TECTA: variants seen among roughly 807,000 people sequenced by gnomAD.
TECTA encodes alpha-tectorin.
In TECTA, 128 loss-of-function variants were observed where a neutral mutation model predicts 216.8. That is an observed-to-expected ratio of 0.59 (90% confidence interval 0.51 to 0.68). The LOEUF (loss-of-function observed/expected upper bound fraction) is 0.68. Among genes scored for constraint, TECTA ranks in the 30% least tolerant of loss-of-function variants. The pLI, the probability that TECTA is intolerant of heterozygous loss-of-function variation, is 0.00. For missense variants in TECTA, 2,551 were observed against 2,786.2 expected (o/e 0.92, Z 1.90); for synonymous variants, 1,089 against 1,117.1 (o/e 0.97, Z 0.50).
chr11:121,146,691 G>A (rs1386701825), intron 12 of TECTA, among the ~76,000 whole-genome samples: 1 of 152,128 alleles, frequency 6.6e-6, no homozygotes, highest in African/African-American at 2.4e-5. Context: ...CTGGTTCTCA[G>A]TTTCCCCTTC....
rs1294897126 is a variant in TECTA, at chr11:121,125,725, C to T, written c.1627C>T (p.Pro543Ser). Residue 543 changes from proline (P) to serine (S), a missense_variant, in exon 8 of 24, where the codon CCC (proline) becomes TCC (serine). Coordinates refer to ENST00000392793, the MANE Select transcript of TECTA (RefSeq NM_005422.4). The stretch of plus-strand genomic sequence containing the variant: ...GTGGGAGTGTGGCACTGTCGTGGAC[C>T]CCACTGCTTTTGTGCACAGCTGCGT... Reference protein sequence around the residue: ...PLWECGTVVDPTAFVHSCVYD... With the variant: ...PLWECGTVVDSTAFVHSCVYD... 4 of 1,613,260 alleles carry T rather than the reference C, an allele frequency of 2.5e-6. No individual in the cohort carries two copies. In the African/African-American group the frequency reaches 4.0e-5, roughly 16 times the overall value.
rs778518717 is a variant in TECTA at position 121,157,891 on chromosome 11, C to T, written c.4356C>T (p.Phe1452=). Residue 1452 remains phenylalanine (F), a synonymous_variant, in exon 14 of 24, where the codon TTC becomes TTT. Coordinates refer to ENST00000392793, the MANE Select transcript of TECTA (RefSeq NM_005422.4). ...ACTGCACGCGGCGCTGCCGCTGTTT[C>T]CGTCGCAACGTGATTCAGTGCGACC... ...NSDCTRRCRC[F]RRNVIQCDPR... is the part of the protein sequence containing the mutation. 1.9e-6 allele frequency: 3 copies of T among 1,614,256 alleles called. No individual in the cohort carries two copies. Among genetic ancestry groups the T allele is most frequent in the South Asian group, 1.1e-5 (1 of 91,088 alleles).
intron 4 of TECTA, 125 bp from the exon 5 acceptor site, chr11:121,112,947 C>A (rs1180649359): frequency 1.3e-5 from 15 of 1,192,772 alleles, no homozygotes; most frequent in Non-Finnish European, 1.7e-5. Context: ...AGCTGGAGGG[C>A]CTGGCTGCAG....
chr11:121,120,188 G>T (rs1346032319), intron 7 of TECTA, among the ~76,000 whole-genome samples: 4 of 151,984 alleles, frequency 2.6e-5, no homozygotes, highest in South Asian at 4.2e-4. Flanking sequence ...AAGGGACACC[G>T]TAATTTCTTT....
At chr11:121,119,043 C>T (rs1471160928) in intron 7 of TECTA, among the ~76,000 whole-genome samples, 1 of 136,132 alleles carries the variant, frequency 7.3e-6, no homozygotes, top group Non-Finnish European at 1.6e-5. Flanking sequence ...ACACACAGTT[C>T]AGAAAAACTG....
intron 11 of TECTA, among the ~76,000 whole-genome samples, chr11:121,143,213 C>T (rs554507279): frequency 6.6e-6 from 1 of 152,344 alleles, no homozygotes; most frequent in South Asian, 2.1e-4. Flanking sequence ...ATACAAGGCC[C>T]TTCATGATCC....
Position 121,101,616 on chromosome 11 carries a change from T to C in TECTA, c.-2+174T>C, listed in dbSNP as rs74869474. ...TCCAGCAAAACTGTCTAATATTTAA[T>C]ATGTGCTTGAAATTACAACATATAT... On this transcript the variant is annotated intron_variant, in intron 1 of 23. Coordinates refer to ENST00000392793, the MANE Select transcript of TECTA (RefSeq NM_005422.4). 9.8e-4 allele frequency among the ~76,000 whole-genome samples: 150 copies of C among 152,328 alleles called. 4 individuals are homozygous for C. In the East Asian group the frequency reaches 0.025, roughly 25 times the overall value.
intron 7 of TECTA, among the ~76,000 whole-genome samples, chr11:121,123,040 A>G (rs1206272589): frequency 6.6e-6 from 1 of 152,226 alleles, no homozygotes; most frequent in Non-Finnish European, 1.5e-5. Flanking sequence ...TTTGGAAGGG[A>G]TGCTCAGACC....
In TECTA at chr11:121,145,761, T is replaced by C. The variant is rs372087934; in HGVS notation, c.3750T>C (p.Asp1250=). 5.4e-4 allele frequency: 865 copies of C among 1,614,242 alleles called. 7 individuals are homozygous for C. In the South Asian group the frequency reaches 8.8e-3, roughly 16 times the overall value. The stretch of plus-strand genomic sequence containing the variant: ...GCCGCTACAACGGCAACCCTGATGA[T>C]GACCTGGAGATGCCCATGGGTCTGC... ...LCGRYNGNPD[D]DLEMPMGLLA... Residue 1250 remains aspartate, a synonymous_variant, in exon 12 of 24, where the codon GAT becomes GAC. Transcript: ENST00000392793.
chr11:121,151,967 C>T (rs1481265456), intron 12 of TECTA, among the ~76,000 whole-genome samples: 1 of 152,176 alleles, frequency 6.6e-6, no homozygotes, highest in Admixed American at 6.5e-5. Context: ...CACTTACATG[C>T]CAACCACTGT....
intron 12 of TECTA, among the ~76,000 whole-genome samples, chr11:121,146,840 C>A (rs918242670): frequency 6.6e-6 from 1 of 152,206 alleles, no homozygotes; most frequent in African/African-American, 2.4e-5. Flanking sequence ...TGAGCCAAGA[C>A]CCCATGCTAA....
At position 121,158,071 on chromosome 11, in the gene TECTA, G is replaced by A. The variant is rs1365112310; in HGVS notation, c.4536G>A (p.Val1512=). The A allele has an allele frequency of 1.2e-6, 2 of 1,613,880 alleles. No homozygotes were observed. Among genetic ancestry groups the A allele is most frequent in the African/African-American group, 1.3e-5 (1 of 75,068 alleles). ...GCTTCCCAGCCAACTGCGCCTTCGT[G>A]CTGTCCACCATCTGCCAGAAACTGC... is the stretch of plus-strand genomic sequence containing the variant. The part of the protein sequence containing the change: ...FLRFPANCAF[V]LSTICQKLPD... Residue 1512 remains valine (V), a synonymous_variant, in exon 14 of 24, where the codon GTG becomes GTA. Coordinates refer to ENST00000392793, the MANE Select transcript of TECTA (RefSeq NM_005422.4).
chr11:121,113,821 C>T lies in TECTA; in HGVS notation c.790+103C>T. 7.5e-7 allele frequency: 1 copy of T among 1,331,778 alleles called. No homozygotes were observed. Among genetic ancestry groups the T allele is most frequent in the Non-Finnish European group, 1.1e-6 (1 of 944,372 alleles). 82.5% of individuals were successfully genotyped at this position (1,331,778 alleles called of 1,614,324 possible). ...GCGGACTCATTCCTGATGCCTTACT[C>T]TTTTGACATCTCTCCGCTGGGTAAT... On this transcript the variant is annotated intron_variant, in intron 6 of 23. Transcript: ENST00000392793. This position sits in a 1 kb window ranked among gnomAD's most constrained non-coding sequence, Gnocchi z 4.2.
intron 20 of TECTA, among the ~76,000 whole-genome samples, chr11:121,182,081 T>C (rs1947235235): frequency 6.6e-6 from 1 of 152,200 alleles, no homozygotes; most frequent in Non-Finnish European, 1.5e-5. Flanking sequence ...GGGACAGGGA[T>C]GCCAGATGGG....
At chr11:121,157,037 G>A (rs1372283490) in intron 13 of TECTA, among the ~76,000 whole-genome samples, 1 of 152,202 alleles carries the variant, frequency 6.6e-6, no homozygotes, top group Non-Finnish European at 1.5e-5. Flanking sequence ...AAGGAAGGGT[G>A]AGGATTGTGA....
intron 14 of TECTA, 59 bp downstream of exon 14, chr11:121,158,283 G>C: frequency 1.3e-6 from 2 of 1,599,928 alleles, no homozygotes; most frequent in Non-Finnish European, 1.7e-6. Context: ...TTGGCTAGGG[G>C]ACTGTGTAGG....
chr11:121,109,367 C>G lies in TECTA; in HGVS notation c.355C>G (p.Pro119Ala), dbSNP rs376581881. Reference protein sequence around the residue: ...GEIYYRETMEPAILKRATKDI... With the variant: ...GEIYYRETMEAAILKRATKDI... ...GATCTATTACAGAGAGACCATGGAG[C>G]CTGCCATCTTGAAAAGAGCCACCAA... Residue 119 changes from proline (P) to alanine (A), a missense_variant, in exon 4 of 24, where the codon CCT (proline) becomes GCT (alanine). By Grantham distance (27) the Pro-to-Ala change is conservative. Coordinates refer to ENST00000392793, the MANE Select transcript of TECTA (RefSeq NM_005422.4). The G allele has an allele frequency of 1.4e-5, 22 of 1,614,024 alleles. No individual in the cohort carries two copies. Among genetic ancestry groups the G allele is most frequent in the South Asian group, 4.4e-5 (4 of 91,078 alleles).
At position 121,113,701 on chromosome 11, in the gene TECTA, A is replaced by G. The variant is rs373378326; in HGVS notation, c.773A>G (p.Asn258Ser). 1 of 1,613,618 alleles carries G rather than the reference A, an allele frequency of 6.2e-7. No homozygotes were observed. Among genetic ancestry groups the G allele is most frequent in the African/African-American group, 1.3e-5 (1 of 74,882 alleles). The change falls in exon 6 of 24, where the codon AAT becomes AGT. Residue 258 changes from asparagine to serine, a missense_variant. Asn to Ser is a conservative substitution (Grantham distance 46). Coordinates refer to ENST00000392793, the MANE Select transcript of TECTA (RefSeq NM_005422.4). The surrounding 1 kb of genome is among the most constrained non-coding windows in gnomAD (Gnocchi z 4.2). ...GATGGAAAGGAAATTGACCCAGCCA[A>G]TGGCTGCACCTCAAGGGGTAAAGCT... is the stretch of plus-strand genomic sequence containing the variant. ...KVDGKEIDPA[N>S]GCTSRGQFLR...
At position 121,128,814 on chromosome 11, in the gene TECTA, G is replaced by A. The variant is rs146037668; in HGVS notation, c.2367+470G>A. Among the ~76,000 whole-genome samples the A allele has an allele frequency of 2.0e-3, 312 of 152,266 alleles. 2 individuals are homozygous for A. The highest frequency in any genetic ancestry group is 5.7e-3 in the African/African-American group (236 of 41,544). On this transcript the variant is annotated intron_variant, in intron 9 of 23. Coordinates refer to ENST00000392793, the MANE Select transcript of TECTA (RefSeq NM_005422.4). ...CCTACTAACTCCCCTACCTATACATGCCAGTCTATGTGGGGTGATGTAAGG... is the reference window on the plus strand; with the variant it reads ...CCTACTAACTCCCCTACCTATACATACCAGTCTATGTGGGGTGATGTAAGG...
Sources: gnomAD v4.1 joint callset for allele counts (sites outside exome capture counted in the v4.1 genomes callset) on GRCh38, gnomAD v4.1.1 for gene constraint, Gnocchi (gnomAD v3.1) non-coding constraint, MANE v1.5 for transcripts, NCBI Gene and HGNC (gene_info 2026-07-23, HGNC 2026-07-21) for gene names.